MCTP2: variants seen among roughly 807,000 people sequenced by gnomAD.
MCTP2 encodes the protein multiple C2 and transmembrane domain containing 2, also known as multiple C2 and transmembrane domain-containing protein 2.
Under a neutral mutation model 111.6 loss-of-function variants are expected in MCTP2, and 132 were observed. That is an observed-to-expected ratio of 1.18 (90% CI 1.03 to 1.37). MCTP2 has a LOEUF of 1.37. Among genes scored for constraint, MCTP2 ranks in the 40% most tolerant of loss-of-function variants. MCTP2 has a pLI of 0.00. For synonymous variants in MCTP2, 395 were observed against 387.7 expected (o/e 1.02, Z -0.22); for missense variants, 1,183 against 1,067.9 (o/e 1.11, Z -1.50).
rs574742060 is a variant in MCTP2 at position 94,259,011 on chromosome 15, T to C, written c.-66+27347T>C. 2.8e-4 allele frequency among the ~76,000 whole-genome samples: 42 copies of C among 152,262 alleles called. No individual in the cohort carries two copies. In the Middle Eastern group the frequency reaches 0.01, roughly 37 times the overall value. Reference sequence around the variant, plus strand: ...ATACATTATTCAGCATACACTAAAATAGAGATTAAAAGAACACATTAAGTC... The same window carrying C: ...ATACATTATTCAGCATACACTAAAACAGAGATTAAAAGAACACATTAAGTC... On this transcript the variant is annotated intron_variant, in intron 1 of 22. Coordinates refer to ENST00000357742, the MANE Select transcript of MCTP2 (RefSeq NM_001385001.1).
chr15:94,346,726 A>G (rs2078000668), intron 8 of MCTP2, among the ~76,000 whole-genome samples: 1 of 152,144 alleles, frequency 6.6e-6, no homozygotes, highest in South Asian at 2.1e-4. Context: ...AGCCTGGGGA[A>G]TATTGGAGTC....
At chr15:94,276,929 C>T (rs1356498054) in intron 1 of MCTP2, among the ~76,000 whole-genome samples, 3 of 121,476 alleles carry the variant, frequency 2.5e-5, no homozygotes, top group Admixed American at 9.6e-5. Context: ...ACTACTGTTA[C>T]GTATTGAGTT....
intron 1 of MCTP2, among the ~76,000 whole-genome samples, chr15:94,244,413 T>C (rs2071555673): frequency 6.7e-6 from 1 of 149,784 alleles, no homozygotes; most frequent in Non-Finnish European, 1.5e-5. Flanking sequence ...TATTCGTATA[T>C]GTATACACAT....
At chr15:94,296,959 C>T (rs2075303044) in intron 1 of MCTP2, among the ~76,000 whole-genome samples, 1 of 152,220 alleles carries the variant, frequency 6.6e-6, no homozygotes, top group Admixed American at 6.5e-5. Context: ...ACCCTGATCT[C>T]TGGCTCTCTG....
chr15:94,234,306 A>G (rs1228279963), intron 1 of MCTP2, among the ~76,000 whole-genome samples: 1 of 152,092 alleles, frequency 6.6e-6, no homozygotes, highest in Non-Finnish European at 1.5e-5. Context: ...GTGAAAGTGA[A>G]TATGTATTTA....
chr15:94,357,153 C>G (rs534966485), intron 9 of MCTP2, among the ~76,000 whole-genome samples: 1 of 152,066 alleles, frequency 6.6e-6, no homozygotes, highest in Non-Finnish European at 1.5e-5. Context: ...TTTAGGGAGG[C>G]AAGAGGTTGT....
Position 94,385,129 on chromosome 15 carries a change from A to G in MCTP2, c.1686-294A>G, listed in dbSNP as rs143190790. Among the ~76,000 whole-genome samples the G allele has an allele frequency of 9.9e-3, 1,512 of 152,290 alleles. 21 individuals are homozygous for G. Among genetic ancestry groups the G allele is most frequent in the African/African-American group, 0.035 (1,466 of 41,570 alleles). On this transcript the variant is annotated intron_variant, in intron 13 of 22. Transcript: ENST00000357742. The stretch of plus-strand genomic sequence containing the variant: ...GACACTCTGCTAATGCTTTCTCCCT[A>G]TCTCCTTCTTTATTTTGTTTCTTTG...
chr15:94,312,176 GGCATGGTTATTGAT>G (rs1160674843), intron 2 of MCTP2, among the ~76,000 whole-genome samples: 4 of 152,158 alleles, frequency 2.6e-5, no homozygotes, highest in Non-Finnish European at 5.9e-5. Context: ...TGCATGTGAA[GGCATGGTTATTGAT>G]GCTGGAAATC....
chr15:94,365,685 A>G (rs538265333), intron 10 of MCTP2, among the ~76,000 whole-genome samples: 1 of 152,286 alleles, frequency 6.6e-6, no homozygotes, highest in African/African-American at 2.4e-5. Flanking sequence ...ACTTACTTAT[A>G]TATTATTTTT....
chr15:94,376,657 G>T (rs2079789933), intron 12 of MCTP2, among the ~76,000 whole-genome samples: 2 of 152,112 alleles, frequency 1.3e-5, no homozygotes, highest in Non-Finnish European at 2.9e-5. Flanking sequence ...TTCACATATT[G>T]TTTATAATTT....
chr15:94,234,268 C>T (rs193028556), intron 1 of MCTP2, among the ~76,000 whole-genome samples: 99 of 152,234 alleles, frequency 6.5e-4, no homozygotes, highest in African/African-American at 2.3e-3. Context: ...TGGAGACTCT[C>T]TTTAAGAAAA....
chr15:94,398,286 T>C (rs1229151094), intron 14 of MCTP2, among the ~76,000 whole-genome samples: 1 of 152,216 alleles, frequency 6.6e-6, no homozygotes, highest in East Asian at 1.9e-4. Context: ...TAAAACCAGC[T>C]CCTTTATTCA....
chr15:94,233,826 C>G (rs1180371817), intron 1 of MCTP2, among the ~76,000 whole-genome samples: 1 of 152,138 alleles, frequency 6.6e-6, no homozygotes, highest in Admixed American at 6.5e-5. Context: ...AAATAGTACT[C>G]TGAATTCAAA....
chr15:94,399,913 T>G lies in MCTP2; in HGVS notation c.1891-8T>G. The G allele has an allele frequency of 6.2e-7, 1 of 1,613,470 alleles. No homozygotes were observed. The highest frequency in any genetic ancestry group is 1.1e-5 in the South Asian group (1 of 91,068). ...GCTGCCCTTTTTTAACAAGGATGTCTTTTCTAGGTGAAAGCAAGTATTAGG... is the reference window on the plus strand; with the variant it reads ...GCTGCCCTTTTTTAACAAGGATGTCGTTTCTAGGTGAAAGCAAGTATTAGG... On this transcript the variant is annotated splice_region_variant and splice_polypyrimidine_tract_variant and intron_variant, in intron 15 of 22. Transcript: ENST00000357742.
intron 9 of MCTP2, among the ~76,000 whole-genome samples, chr15:94,356,967 TCAGA>T: frequency 6.6e-6 from 1 of 152,272 alleles, no homozygotes; most frequent in South Asian, 2.1e-4. Flanking sequence ...TACATAACTG[TCAGA>T]CAGGAATATT....
chr15:94,320,753 A>G (rs1309399712), intron 4 of MCTP2, among the ~76,000 whole-genome samples: 2 of 152,216 alleles, frequency 1.3e-5, no homozygotes, highest in African/African-American at 2.4e-5. Context: ...TGACTTTCAT[A>G]TAGGTCACCT....
rs758377154 is a variant in MCTP2, at chr15:94,298,753, T to A, written c.465+23T>A. On this transcript the variant is annotated intron_variant, in intron 2 of 22. Transcript: ENST00000357742. The stretch of plus-strand genomic sequence containing the variant: ...GAGGTGAGAATAGGGCTGGGCTCTC[T>A]TTTTTTTTGTCTCTCTCTCTCTCTC... 6.6e-6 allele frequency: 9 copies of A among 1,356,596 alleles called. No individual in the cohort carries two copies. In the African/African-American group the frequency reaches 1.5e-4, roughly 22 times the overall value. 84.0% of individuals were successfully genotyped at this position (1,356,596 alleles called of 1,614,324 possible).
chr15:94,337,244 T>C (rs1267428288), intron 4 of MCTP2, among the ~76,000 whole-genome samples: 2 of 152,154 alleles, frequency 1.3e-5, no homozygotes, highest in African/African-American at 4.8e-5. Context: ...GGTCCCTTTT[T>C]CTATTAATTC....
chr15:94,294,892 ATATT>A lies in MCTP2; in HGVS notation c.-65-3299_-65-3296del, dbSNP rs572522337. 2.3e-3 allele frequency among the ~76,000 whole-genome samples: 263 copies of A among 114,660 alleles called. 1 individual carries two copies. The highest frequency in any genetic ancestry group is 7.8e-3 in the African/African-American group (244 of 31,144). 75.2% of individuals were successfully genotyped at this position (114,660 alleles called of 152,430 possible). A position where few individuals can be genotyped will look rare whatever the true frequency, so the allele number is the denominator to read the frequency against. The stretch of plus-strand genomic sequence containing the variant: ...AGCCCAGGACTGTCTACTTTTATTT[ATATT>A]TATTTATTTTGAAACTTTTTTCTCT... On this transcript the variant is annotated intron_variant, in intron 1 of 22. Coordinates refer to ENST00000357742, the MANE Select transcript of MCTP2 (RefSeq NM_001385001.1).
Sources: gnomAD v4.1 joint callset for allele counts (sites outside exome capture counted in the v4.1 genomes callset) on GRCh38, gnomAD v4.1.1 for gene constraint, MANE v1.5 for transcripts, NCBI Gene and HGNC (gene_info 2026-07-23, HGNC 2026-07-21) for gene names.